Variants in TASP1 observed in about 807,000 individuals in gnomAD.
The protein encoded by TASP1 is threonine aspartase 1.
Under a neutral mutation model 56.6 loss-of-function variants are expected in TASP1, and 16 were observed. The observed-to-expected ratio is 0.28, with a 90% CI of 0.19 to 0.43. TASP1 has a LOEUF of 0.43. Ranked by LOEUF, TASP1 falls within the 20% of genes least tolerant of loss-of-function variation. The probability of loss-of-function intolerance (pLI) is 1.00; values close to 1 mark genes in which losing one functional copy is unlikely to be tolerated. For synonymous variants in TASP1, 179 were observed against 184.2 expected, an observed-to-expected ratio of 0.97 and a Z score of 0.23; for missense variants, 393 against 511.6, an observed-to-expected ratio of 0.77 and a Z score of 2.24.
chr20:13,321,060 A>G, the TASP1 span, among the ~76,000 whole-genome samples: 1 of 151,782 alleles, frequency 6.6e-6, no homozygotes, highest in Non-Finnish European at 1.5e-5. Context: ...TTAGCCAGGC[A>G]TGGTGGTACG....
chr20:13,430,208 G>A (rs2042757917), intron 12 of TASP1, among the ~76,000 whole-genome samples: 1 of 152,194 alleles, frequency 6.6e-6, no homozygotes, highest in Non-Finnish European at 1.5e-5. Context: ...CAGCTCATTA[G>A]ACGAAAGGGC....
the TASP1 span, among the ~76,000 whole-genome samples, chr20:13,159,821 CTGTT>C: frequency 6.6e-5 from 10 of 152,118 alleles, no homozygotes; most frequent in South Asian, 4.2e-4. Flanking sequence ...GACTGACTGC[CTGTT>C]TATTTGTCAA....
At chr20:13,546,328 A>T (rs1391463791) in intron 8 of TASP1, among the ~76,000 whole-genome samples, 1 of 152,238 alleles carries the variant, frequency 6.6e-6, no homozygotes, top group Non-Finnish European at 1.5e-5. Flanking sequence ...CTGATGAAGC[A>T]GTGAAAATAG....
In TASP1 at chr20:13,528,474, G is replaced by C. The variant is rs201460744; in HGVS notation, c.833C>G (p.Thr278Ser). 12 of 1,610,730 alleles carry C rather than the reference G, an allele frequency of 7.5e-6. No individual in the cohort carries two copies. In the East Asian group the frequency reaches 2.2e-4, roughly 30 times the overall value. Residue 278 changes from threonine (T) to serine (S), a missense_variant, in exon 10 of 14, where the codon ACT becomes AGT. Thr to Ser is a moderately conservative substitution (Grantham distance 58). This residue lies in a region of TASP1 where 293 missense variants were observed against 354.2 expected (regional missense o/e 0.83). Transcript: ENST00000337743. The stretch of plus-strand genomic sequence containing the variant: ...TGTGGAGTAGGGGTTATGAGCTCCA[G>C]TATTTTCAGCCCAGCAGCCACATCC... ...LYGCGCWAEN[T>S]GAHNPYSTAV...
At chr20:13,343,713 C>T in the TASP1 span, among the ~76,000 whole-genome samples, 2 of 152,200 alleles carry the variant, frequency 1.3e-5, no homozygotes, top group African/African-American at 2.4e-5. Flanking sequence ...CGTCCACCTC[C>T]TCACAGCATC....
intron 13 of TASP1, among the ~76,000 whole-genome samples, chr20:13,409,490 T>C (rs1295973318): frequency 6.6e-6 from 1 of 152,190 alleles, no homozygotes; most frequent in Admixed American, 6.5e-5. Flanking sequence ...TGTCCTGTTT[T>C]ATCTCATATC....
intron 4 of TASP1, among the ~76,000 whole-genome samples, chr20:13,606,433 C>A (rs1453645387): frequency 4.6e-5 from 7 of 152,046 alleles, no homozygotes; most frequent in Admixed American, 3.3e-4. Flanking sequence ...TTCTTTATGG[C>A]ACTTTCCGCT....
the TASP1 span, among the ~76,000 whole-genome samples, chr20:13,304,865 C>T: frequency 6.6e-6 from 1 of 152,150 alleles, no homozygotes; most frequent in East Asian, 1.9e-4. Flanking sequence ...TCCTTGCCTT[C>T]CCCATCTCTC....
chr20:13,338,795 T>A, the TASP1 span, among the ~76,000 whole-genome samples: 1 of 152,124 alleles, frequency 6.6e-6, no homozygotes, highest in Non-Finnish European at 1.5e-5. Context: ...ATTTCTAATC[T>A]CAGGAAAAAG....
the TASP1 span, among the ~76,000 whole-genome samples, chr20:13,146,275 G>T: frequency 6.6e-6 from 1 of 152,144 alleles, no homozygotes; most frequent in East Asian, 1.9e-4. Context: ...GGATCTGCTT[G>T]AGGGAGGAGG....
chr20:13,232,788 G>T, the TASP1 span, among the ~76,000 whole-genome samples: 1 of 152,202 alleles, frequency 6.6e-6, no homozygotes, highest in Admixed American at 6.5e-5. Context: ...GCATTTGAAG[G>T]TTGAATCCCA....
At chr20:13,633,424 TA>T (rs1311883651) in intron 1 of TASP1, among the ~76,000 whole-genome samples, 2 of 152,162 alleles carry the variant, frequency 1.3e-5, no homozygotes, top group Non-Finnish European at 2.9e-5. Context: ...GAATTATTTA[TA>T]AAAAAATTTT....
At chr20:13,617,796 C>T (rs986383176) in intron 4 of TASP1, among the ~76,000 whole-genome samples, 6 of 152,128 alleles carry the variant, frequency 3.9e-5, no homozygotes, top group Non-Finnish European at 7.4e-5. Flanking sequence ...CACAAGAAAA[C>T]TTGTTATAAG....
the TASP1 span, among the ~76,000 whole-genome samples, chr20:13,126,346 G>A: frequency 1.3e-5 from 2 of 152,188 alleles, no homozygotes; most frequent in African/African-American, 4.8e-5. Flanking sequence ...TTGCCTTAAA[G>A]TTCAACTCCA....
intron 1 of TASP1, among the ~76,000 whole-genome samples, chr20:13,634,990 C>T (rs757490221): frequency 4.0e-5 from 6 of 151,810 alleles, no homozygotes; most frequent in South Asian, 2.1e-4. Context: ...ACCGCGCCAT[C>T]GCACTCCAGC....
chr20:13,313,483 T>C, the TASP1 span, among the ~76,000 whole-genome samples: 1 of 152,178 alleles, frequency 6.6e-6, no homozygotes, highest in Non-Finnish European at 1.5e-5. Context: ...TGCACCTCAC[T>C]TCCATTTTCT....
At chr20:13,229,237 G>T in the TASP1 span, among the ~76,000 whole-genome samples, 1 of 151,460 alleles carries the variant, frequency 6.6e-6, no homozygotes, top group East Asian at 1.9e-4. Context: ...TTTCATTTTT[G>T]ACAGTTGTAT....
At chr20:13,401,239 T>C (rs2041728262) in intron 13 of TASP1, among the ~76,000 whole-genome samples, 1 of 152,182 alleles carries the variant, frequency 6.6e-6, no homozygotes, top group Non-Finnish European at 1.5e-5. Context: ...TTCCATATAA[T>C]TTGTATTTTA....
chr20:13,245,190 C>T, the TASP1 span: 1 of 152,268 alleles, frequency 6.6e-6, no homozygotes, highest in African/African-American at 2.4e-5. Context: ...CAAAAGAACA[C>T]ACGTTTATTA....
Sources: allele counts gnomAD v4.1 joint callset (sites outside exome capture counted in the v4.1 genomes callset), GRCh38; gene constraint gnomAD v4.1.1; regional missense constraint gnomAD v4.1.1; transcripts MANE v1.5; gene names NCBI Gene and HGNC (gene_info 2026-07-23, HGNC 2026-07-21).